RGS3: variants seen among roughly 807,000 people sequenced by gnomAD.
RGS3 encodes regulator of G-protein signalling 3.
In RGS3, 80 loss-of-function variants were observed where a neutral mutation model predicts 132.6. The observed-to-expected ratio is 0.60, with a 90% CI of 0.50 to 0.73. RGS3 has a LOEUF of 0.73. RGS3 is among the 30% of genes least tolerant of loss of function. The pLI, the probability that RGS3 is intolerant of heterozygous loss-of-function variation, is 0.00. For synonymous variants in RGS3, 598 were observed against 620.6 expected (o/e 0.96, Z 0.54); for missense variants, 1,382 against 1,530.8 (o/e 0.90, Z 1.62).
chr9:113,552,067 C>T (rs1252687534), intron 19 of RGS3, among the ~76,000 whole-genome samples: 1 of 151,982 alleles, frequency 6.6e-6, no homozygotes, highest in Non-Finnish European at 1.5e-5. Context: ...AATATTATTG[C>T]CTTTGGCGTA....
intron 19 of RGS3, among the ~76,000 whole-genome samples, chr9:113,543,775 G>T (rs957034370): frequency 2.0e-5 from 3 of 152,178 alleles, no homozygotes; most frequent in Admixed American, 6.5e-5. Flanking sequence ...CTGGGGACAG[G>T]ACTTTTCACC....
intron 3 of RGS3, among the ~76,000 whole-genome samples, chr9:113,477,983 T>C (rs1336965563): frequency 1.3e-5 from 2 of 152,196 alleles, no homozygotes; most frequent in Non-Finnish European, 2.9e-5. Context: ...GAGAGAAACA[T>C]TTTCGATGTC....
intron 19 of RGS3, among the ~76,000 whole-genome samples, chr9:113,550,064 C>T (rs1354387726): frequency 6.6e-6 from 1 of 152,178 alleles, no homozygotes; most frequent in East Asian, 1.9e-4. Context: ...AGTACGCATT[C>T]GACTCTAAAT....
At chr9:113,581,324 G>T (rs1438260843) in intron 19 of RGS3, 1 of 152,196 alleles carries the variant, frequency 6.6e-6, no homozygotes, top group Non-Finnish European at 1.5e-5. Context: ...CCAATGGAGG[G>T]TCTTTCTGTC....
intron 14 of RGS3, among the ~76,000 whole-genome samples, chr9:113,508,998 C>T (rs935567453): frequency 2.0e-5 from 3 of 152,140 alleles, no homozygotes; most frequent in Non-Finnish European, 4.4e-5. Context: ...CAAATCATGT[C>T]TCCTTGGTCG....
intron 18 of RGS3, among the ~76,000 whole-genome samples, chr9:113,534,637 A>G: frequency 6.8e-6 from 1 of 146,228 alleles, no homozygotes; most frequent in East Asian, 2.0e-4. Context: ...TTTTGAGACA[A>G]GGTCTGCCCT....
chr9:113,576,520 C>T (rs1834532986), intron 19 of RGS3, among the ~76,000 whole-genome samples: 2 of 151,958 alleles, frequency 1.3e-5, no homozygotes, highest in African/African-American at 4.8e-5. Context: ...TTGGTAGAGA[C>T]GGGGTTTCAC....
chr9:113,560,522 G>C (rs1184703072), intron 19 of RGS3, among the ~76,000 whole-genome samples: 1 of 152,204 alleles, frequency 6.6e-6, no homozygotes, highest in Non-Finnish European at 1.5e-5. Context: ...CATCTGCCAT[G>C]ACCCCCTCCA....
chr9:113,521,886 G>T (rs1831975453), intron 16 of RGS3, among the ~76,000 whole-genome samples: 1 of 152,162 alleles, frequency 6.6e-6, no homozygotes, highest in Admixed American at 6.5e-5. Flanking sequence ...AGCCCTTCTG[G>T]CTGGTTCTTC....
chr9:113,482,996 T>C, intron 4 of RGS3, 63 bp from the exon 3 acceptor site: 1 of 1,611,924 alleles, frequency 6.2e-7, no homozygotes, highest in Non-Finnish European at 8.5e-7. Context: ...TGTGTCTCTC[T>C]TTCTCGCTGT....
At chr9:113,466,581 A>C (rs1276376213) in intron 3 of RGS3, among the ~76,000 whole-genome samples, 2 of 152,158 alleles carry the variant, frequency 1.3e-5, no homozygotes, top group Non-Finnish European at 2.9e-5. Flanking sequence ...TGAGGCTAGG[A>C]CCCAACTACT....
At position 113,486,551 on chromosome 9, in the gene RGS3, G is replaced by A. The variant is rs569860323; in HGVS notation, c.689+858G>A. Among the ~76,000 whole-genome samples, 16 of 152,324 alleles carry A rather than the reference G, an allele frequency of 1.1e-4. No homozygotes were observed. In the South Asian group the frequency reaches 2.7e-3, roughly 26 times the overall value. ...TGAGCATGAGAATTGGCTGTTGAGT[G>A]ACAGCAATGCACTGCCATGGCCCAC... On this transcript the variant is annotated intron_variant, in intron 7 of 24. Transcript: ENST00000350696.
chr9:113,495,945 T>TGGGGCACCATCTCACAGA, intron 8 of RGS3, 99 bp downstream of exon 6: 1 of 1,060,248 alleles, frequency 9.4e-7, no homozygotes, highest in Non-Finnish European at 1.5e-6. Context: ...CTTCTCTCTG[T>TGGGGCACCATCTCACAGA]GAGATGGTGC....
At chr9:113,522,895 A>G in intron 16 of RGS3, 35 bp from the exon 15 acceptor site, 3 of 1,430,510 alleles carry the variant, frequency 2.1e-6, no homozygotes, top group South Asian at 1.1e-5. Context: ...GAGGACAGCA[A>G]AGTAGCCAGT....
chr9:113,542,614 A>C (rs1397148259), intron 19 of RGS3, among the ~76,000 whole-genome samples: 1 of 151,998 alleles, frequency 6.6e-6, no homozygotes, highest in Non-Finnish European at 1.5e-5. Context: ...CCCCTCTCTC[A>C]GTGGATGTGA....
intron 18 of RGS3, 113 bp from the exon 17 acceptor site, chr9:113,536,683 C>T (rs1832690095): frequency 1.3e-6 from 2 of 1,517,228 alleles, no homozygotes; most frequent in Non-Finnish European, 1.8e-6. Flanking sequence ...GCGGACACTC[C>T]CCTCCTGGCT....
chr9:113,561,973 G>A (rs1158698891), intron 19 of RGS3, among the ~76,000 whole-genome samples: 2 of 152,192 alleles, frequency 1.3e-5, no homozygotes, highest in Non-Finnish European at 2.9e-5. Context: ...CTGCCAACCT[G>A]TCTGAACAGT....
chr9:113,551,346 A>G (rs1418081719), intron 19 of RGS3, among the ~76,000 whole-genome samples: 1 of 152,240 alleles, frequency 6.6e-6, no homozygotes, highest in Non-Finnish European at 1.5e-5. Flanking sequence ...TGTATGGAAT[A>G]TCACATTTTG....
intron 19 of RGS3, among the ~76,000 whole-genome samples, chr9:113,544,474 T>G (rs1322736759): frequency 6.6e-6 from 1 of 152,182 alleles, no homozygotes. Context: ...TGTCTTATAT[T>G]TTTATTCTTT....
Sources: allele counts gnomAD v4.1 joint callset (sites outside exome capture counted in the v4.1 genomes callset), GRCh38; gene constraint gnomAD v4.1.1; transcripts MANE v1.5; gene names NCBI Gene and HGNC (gene_info 2026-07-23, HGNC 2026-07-21).